Variants in NCOA2 observed in about 807,000 individuals in gnomAD.
NCOA2 encodes the protein class E basic helix-loop-helix protein 75.
In NCOA2, 21 loss-of-function variants were observed where a neutral mutation model predicts 145.1. The ratio of observed to expected loss-of-function variants is 0.14; its 90% confidence interval spans 0.10 to 0.21. The LOEUF is 0.21. Ranked by LOEUF, NCOA2 falls within the 10% of genes least tolerant of loss-of-function variation. NCOA2 has a pLI of 1.00. For synonymous variants in NCOA2, 619 were observed against 637.5 expected, an observed-to-expected ratio of 0.97 and a Z score of 0.44; for missense variants, 1,472 against 1,837.6, an observed-to-expected ratio of 0.80 and a Z score of 3.64.
At chr8:70,167,821 T>C (rs1656457689) in intron 6 of NCOA2, among the ~76,000 whole-genome samples, 1 of 152,168 alleles carries the variant, frequency 6.6e-6, no homozygotes, top group East Asian at 1.9e-4. Context: ...AATAAAACAA[T>C]GACTGATTTT....
chr8:70,149,371 A>G (rs1811493196), intron 11 of NCOA2, among the ~76,000 whole-genome samples: 2 of 149,662 alleles, frequency 1.3e-5, no homozygotes, highest in Admixed American at 6.7e-5. Context: ...AGTAGCTGGG[A>G]CCACAGGCAT....
At chr8:70,338,128 TA>T (rs375608788) in intron 1 of NCOA2, among the ~76,000 whole-genome samples, 16 of 150,634 alleles carry the variant, frequency 1.1e-4, no homozygotes, top group Admixed American at 2.6e-4. Context: ...AAAAAACCCT[TA>T]AAAAAAAATC....
the NCOA2 span, among the ~76,000 whole-genome samples, chr8:70,411,916 T>C: frequency 0.011 from 1,718 of 152,330 alleles, 43 homozygotes; most frequent in African/African-American, 0.039. Flanking sequence ...CATGGACATG[T>C]TGATTTTATG....
Position 70,243,690 on chromosome 8 carries a change from C to T in NCOA2, c.-19-26926G>A, listed in dbSNP as rs537955041. Among the ~76,000 whole-genome samples, 5 of 149,780 alleles carry T rather than the reference C, an allele frequency of 3.3e-5. No homozygotes were observed. The South Asian group carries it at 6.3e-4, about 19-fold the overall frequency. ...ACATATGGTGCTAGTGCTTTCTGGGCGGAAAATGGTATGTAACCCTGAAAA... is the reference window on the plus strand; with the variant it reads ...ACATATGGTGCTAGTGCTTTCTGGGTGGAAAATGGTATGTAACCCTGAAAA... On this transcript the variant is annotated intron_variant, in intron 2 of 22. Transcript: ENST00000452400.
chr8:70,165,604 G>A (rs1474735959), intron 7 of NCOA2, among the ~76,000 whole-genome samples: 9 of 152,132 alleles, frequency 5.9e-5, no homozygotes, highest in Non-Finnish European at 8.8e-5. Context: ...CTTGCCTAGT[G>A]GGCTCAGGAA....
chr8:70,324,184 T>C (rs1806344564), intron 1 of NCOA2, among the ~76,000 whole-genome samples: 1 of 152,224 alleles, frequency 6.6e-6, no homozygotes, highest in South Asian at 2.1e-4. Flanking sequence ...CTTATCAATA[T>C]ATGCTATCTA....
chr8:70,178,227 T>C (rs904686674), intron 4 of NCOA2, among the ~76,000 whole-genome samples: 4 of 152,238 alleles, frequency 2.6e-5, no homozygotes, highest in Non-Finnish European at 5.9e-5. Flanking sequence ...GGATCAAATA[T>C]GTACAGTATT....
At chr8:70,433,391 G>A in the NCOA2 span, among the ~76,000 whole-genome samples, 1 of 151,538 alleles carries the variant, frequency 6.6e-6, no homozygotes, top group Non-Finnish European at 1.5e-5. Context: ...TCACATTCAG[G>A]CAACAAATAC....
intron 1 of NCOA2, among the ~76,000 whole-genome samples, chr8:70,375,779 C>A (rs1811612373): frequency 6.6e-6 from 1 of 152,100 alleles, no homozygotes; most frequent in African/African-American, 2.4e-5. Context: ...TCTAATTCCA[C>A]CCTATGAACA....
intron 1 of NCOA2, among the ~76,000 whole-genome samples, chr8:70,386,153 C>G (rs1006082398): frequency 6.6e-6 from 1 of 152,168 alleles, no homozygotes; most frequent in African/African-American, 2.4e-5. Context: ...TACTGTTCCC[C>G]ACTATATCTA....
At chr8:70,397,378 G>C (rs868582457) in intron 1 of NCOA2, among the ~76,000 whole-genome samples, 1 of 151,556 alleles carries the variant, frequency 6.6e-6, no homozygotes, top group African/African-American at 2.4e-5. Context: ...GCTTGAACCC[G>C]GGAGGCAGAG....
At chr8:70,410,076 G>A in the NCOA2 span, among the ~76,000 whole-genome samples, 1 of 152,054 alleles carries the variant, frequency 6.6e-6, no homozygotes, top group African/African-American at 2.4e-5. Flanking sequence ...TGGGCATGGT[G>A]GAGCATACCT....
At chr8:70,203,545 A>T (rs1468035139) in intron 4 of NCOA2, among the ~76,000 whole-genome samples, 1 of 152,006 alleles carries the variant, frequency 6.6e-6, no homozygotes, top group African/African-American at 2.4e-5. Context: ...AGAAGTTTGA[A>T]TCAAACCTGG....
rs1263197200 is a variant in NCOA2 at position 70,326,117 on chromosome 8, T to G, written c.-76-29317A>C. On this transcript the variant is annotated intron_variant, in intron 1 of 22. Transcript: ENST00000452400. ...TAATCATATAAACACTTTTGTCAAT[T>G]CTTCCTAGTACCCATGATATGGTTC... 3.9e-5 allele frequency among the ~76,000 whole-genome samples: 6 copies of G among 152,224 alleles called. 1 individual carries two copies.
At chr8:70,149,982 T>C (rs1421043705) in intron 11 of NCOA2, among the ~76,000 whole-genome samples, 7 of 152,178 alleles carry the variant, frequency 4.6e-5, no homozygotes, top group Middle Eastern at 3.2e-3. Context: ...CATGCAGAGG[T>C]TGGATATGCT....
intron 22 of NCOA2, among the ~76,000 whole-genome samples, chr8:70,119,091 G>A (rs907576054): frequency 6.6e-5 from 10 of 152,090 alleles, no homozygotes; most frequent in African/African-American, 2.4e-4. Flanking sequence ...GGGTTTTAGG[G>A]TGTCCATTAC....
At chr8:70,365,209 G>A (rs1810580376) in intron 1 of NCOA2, among the ~76,000 whole-genome samples, 1 of 152,156 alleles carries the variant, frequency 6.6e-6, no homozygotes, top group South Asian at 2.1e-4. Flanking sequence ...TAGCACACCT[G>A]TAGTCTCAGC....
chr8:70,329,661 C>T (rs994958653), intron 1 of NCOA2, among the ~76,000 whole-genome samples: 1 of 151,824 alleles, frequency 6.6e-6, no homozygotes, highest in Non-Finnish European at 1.5e-5. Flanking sequence ...GAAAGTGACC[C>T]AAATGTTGAT....
intron 6 of NCOA2, among the ~76,000 whole-genome samples, chr8:70,167,005 G>A (rs1813689243): frequency 6.6e-6 from 1 of 151,656 alleles, no homozygotes; most frequent in African/African-American, 2.4e-5. Context: ...GAATACATGT[G>A]GAATCTTGGG....
Sources: gnomAD v4.1 joint callset for allele counts (sites outside exome capture counted in the v4.1 genomes callset) on GRCh38, gnomAD v4.1.1 for gene constraint, MANE v1.5 for transcripts, NCBI Gene and HGNC (gene_info 2026-07-23, HGNC 2026-07-21) for gene names.